Variants in ABR observed in about 807,000 individuals in gnomAD.
ABR encodes active breakpoint cluster region-related protein.
In ABR, 35 loss-of-function variants were observed where a neutral mutation model predicts 107.2. That is an observed-to-expected ratio of 0.33 (90% CI 0.25 to 0.43). The LOEUF (loss-of-function observed/expected upper bound fraction) is 0.43. ABR is among the 20% of genes least tolerant of loss of function. The probability of loss-of-function intolerance (pLI) is 1.00; values close to 1 mark genes in which losing one functional copy is unlikely to be tolerated. For synonymous variants in ABR, 498 were observed against 462.0 expected, an observed-to-expected ratio of 1.08 and a Z score of -1.00; for missense variants, 815 against 1,115.2, an observed-to-expected ratio of 0.73 and a Z score of 3.83.
intron 2 of ABR, among the ~76,000 whole-genome samples, chr17:1,109,336 C>T (rs2038503537): frequency 6.6e-6 from 1 of 151,870 alleles, no homozygotes; most frequent in Non-Finnish European, 1.5e-5. Flanking sequence ...GAGGCGAACC[C>T]GCCGCACAGC....
intron 10 of ABR, among the ~76,000 whole-genome samples, chr17:1,059,555 GC>G (rs1402914312): frequency 6.6e-6 from 1 of 152,086 alleles, no homozygotes; most frequent in Non-Finnish European, 1.5e-5. Flanking sequence ...TGGCACCAAG[GC>G]CCCCATGGCA....
chr17:1,171,702 T>C (rs1223923299), intron 1 of ABR, among the ~76,000 whole-genome samples: 2 of 151,970 alleles, frequency 1.3e-5, no homozygotes, highest in African/African-American at 2.4e-5. Flanking sequence ...GAGGCCGAGG[T>C]GGGCGGATCA....
chr17:1,210,630 GCT>G lies in ABR; in HGVS notation c.838+18161_838+18162del, dbSNP rs1320024025. Among the ~76,000 whole-genome samples the G allele has an allele frequency of 1.3e-5, 2 of 151,948 alleles. No homozygotes were observed. The highest frequency in any genetic ancestry group is 2.9e-5 in the Non-Finnish European group (2 of 68,028). ...CACTCAGCTTTCTGCTATTGTGTTTGCTCTCAAGCCAAAAATCACTTTGGGCT... is the reference window on the plus strand; with the variant it reads ...CACTCAGCTTTCTGCTATTGTGTTTGCTCAAGCCAAAAATCACTTTGGGCT... On this transcript the variant is annotated intron_variant, in intron 1 of 22. Transcript: ENST00000574139. This position sits in a 1 kb window ranked among gnomAD's most constrained non-coding sequence, Gnocchi z 5.6.
At chr17:1,087,705 A>T (rs1244506335) in intron 4 of ABR, among the ~76,000 whole-genome samples, 1 of 152,018 alleles carries the variant, frequency 6.6e-6, no homozygotes, top group East Asian at 1.9e-4. Flanking sequence ...AGCCAAAGTC[A>T]GATCACCGAT....
At chr17:1,021,750 G>C (rs1363547616) in intron 16 of ABR, among the ~76,000 whole-genome samples, 1 of 151,626 alleles carries the variant, frequency 6.6e-6, no homozygotes, top group East Asian at 1.9e-4. Context: ...GTTGCAGTGA[G>C]CCGGAGTTGA....
intron 10 of ABR, among the ~76,000 whole-genome samples, chr17:1,063,588 G>C (rs9905392): frequency 7.1e-3 from 279 of 39,390 alleles, no homozygotes; most frequent in Middle Eastern, 0.026. Context: ...TATGCATGTT[G>C]CTCTAGACAC....
chr17:1,137,840 C>T (rs1383082266), intron 1 of ABR, among the ~76,000 whole-genome samples: 1 of 152,094 alleles, frequency 6.6e-6, no homozygotes, highest in Non-Finnish European at 1.5e-5. Context: ...ATGCCTGCAC[C>T]GCAGGAGGCT....
chr17:1,130,494 C>T (rs2039779356), intron 1 of ABR, among the ~76,000 whole-genome samples: 1 of 152,116 alleles, frequency 6.6e-6, no homozygotes, highest in African/African-American at 2.4e-5. Flanking sequence ...CCCCGCTCCT[C>T]AGCTCAAGGC....
At position 1,125,304 on chromosome 17, in the gene ABR, T is replaced by C. The variant is rs769278427; in HGVS notation, c.125A>G (p.Glu42Gly). The C allele has an allele frequency of 1.2e-6, 2 of 1,613,960 alleles. No individual in the cohort carries two copies. The highest frequency in any genetic ancestry group is 1.3e-5 in the African/African-American group (1 of 75,048). Residue 42 changes from glutamate to glycine, a missense_variant, in exon 2 of 23, where the codon GAG becomes GGG. Coordinates refer to ENST00000302538, the MANE Select transcript of ABR (RefSeq NM_021962.5). The part of the protein sequence containing the change: ...EGNEEQKGPP[E>G]GSETMPYIDE... ...GATGTACGGCATGGTCTCTGAGCCCTCCGGGGGCCCCTTCTGCTCCTCATT... is the reference window on the plus strand; with the variant it reads ...GATGTACGGCATGGTCTCTGAGCCCCCCGGGGGCCCCTTCTGCTCCTCATT...
At chr17:1,013,351 C>A (rs1051898813) in intron 16 of ABR, among the ~76,000 whole-genome samples, 187 bp from the exon 17 acceptor site, 1 of 149,590 alleles carries the variant, frequency 6.7e-6, no homozygotes, top group South Asian at 2.1e-4. Flanking sequence ...CCCCTGTGGC[C>A]GCCGTGGGGG....
At chr17:1,202,545 T>C (rs1382945640) in intron 1 of ABR, among the ~76,000 whole-genome samples, 2 of 152,170 alleles carry the variant, frequency 1.3e-5, no homozygotes, top group Non-Finnish European at 2.9e-5. Context: ...ATTTCCCCTA[T>C]GGACAAAGAG....
intron 1 of ABR, among the ~76,000 whole-genome samples, chr17:1,147,364 GTT>G (rs553493542): frequency 4.9e-5 from 7 of 141,666 alleles, no homozygotes; most frequent in Non-Finnish European, 4.6e-5. Flanking sequence ...GGTTTTGGTT[GTT>G]TTTTTTTTTT....
chr17:1,110,188 C>T (rs1402072623), intron 2 of ABR, among the ~76,000 whole-genome samples: 3 of 151,958 alleles, frequency 2.0e-5, no homozygotes, highest in Non-Finnish European at 4.4e-5. Context: ...GTTGCAGAAC[C>T]CCCAACTGTG....
At chr17:1,094,485 C>G (rs935006668) in intron 3 of ABR, among the ~76,000 whole-genome samples, 8 of 151,976 alleles carry the variant, frequency 5.3e-5, no homozygotes, top group African/African-American at 1.7e-4. Context: ...ATTCTCCTGC[C>G]TCAGCCTCCT....
At chr17:1,090,726 C>T (rs987270902) in intron 4 of ABR, among the ~76,000 whole-genome samples, 2 of 152,192 alleles carry the variant, frequency 1.3e-5, no homozygotes, top group South Asian at 4.1e-4. Flanking sequence ...TCAGCCAGAA[C>T]ACGGCAGGGG....
intron 9 of ABR, among the ~76,000 whole-genome samples, chr17:1,069,185 G>A (rs138318533): frequency 0.013 from 1,953 of 152,292 alleles, 25 homozygotes; most frequent in Middle Eastern, 0.034. Flanking sequence ...TTACGACTGT[G>A]TGAAGAAACA....
At chr17:1,111,356 G>A (rs988840607) in intron 2 of ABR, among the ~76,000 whole-genome samples, 3 of 152,098 alleles carry the variant, frequency 2.0e-5, no homozygotes, top group African/African-American at 4.8e-5. Flanking sequence ...AGTGAGTAAT[G>A]AGAGTGCCCC....
At chr17:1,132,218 G>GAC (rs1773961690) in intron 1 of ABR, among the ~76,000 whole-genome samples, 1 of 150,004 alleles carries the variant, frequency 6.7e-6, no homozygotes, top group Non-Finnish European at 1.5e-5. Flanking sequence ...CACACACAAA[G>GAC]ACACGCACAC....
intron 1 of ABR, among the ~76,000 whole-genome samples, chr17:1,225,978 G>C (rs375707551): frequency 4.3e-4 from 66 of 152,262 alleles, no homozygotes; most frequent in African/African-American, 1.5e-3. Context: ...TCAGCTCCCA[G>C]TGTACACATA....
Sources: gnomAD v4.1 joint callset for allele counts (sites outside exome capture counted in the v4.1 genomes callset) on GRCh38, gnomAD v4.1.1 for gene constraint, Gnocchi (gnomAD v3.1) non-coding constraint, MANE v1.5 for transcripts, NCBI Gene and HGNC (gene_info 2026-07-23, HGNC 2026-07-21) for gene names.